Variants in DTD1 observed in about 807,000 individuals in gnomAD.
DTD1 encodes the protein D-tyrosyl-tRNA deacylase 1 homolog.
DTD1 carries 13 observed loss-of-function variants against 25.6 expected under a neutral mutation model. The observed-to-expected ratio is 0.51, with a 90% confidence interval of 0.33 to 0.81. DTD1 has a LOEUF of 0.81. Among genes scored for constraint, DTD1 ranks in the 30% least tolerant of loss-of-function variants. The pLI is 0.02. For missense variants in DTD1, 193 were observed against 266.4 expected, an observed-to-expected ratio of 0.72 and a Z score of 1.92; for synonymous variants, 110 against 103.6, an observed-to-expected ratio of 1.06 and a Z score of -0.37.
rs2122546539 is a variant in DTD1 at position 18,763,467 on chromosome 20, A to G, written c.*127A>G. On this transcript the variant is annotated 3_prime_UTR_variant, in exon 6 of 6. Coordinates refer to ENST00000377452, the MANE Select transcript of DTD1 (RefSeq NM_080820.6). ...CATGAAGAGGAAGACAGAAATAAGA[A>G]TTTGGGAACCTGAATAGCTCTGCAA... 1 of 152,830 alleles carries G rather than the reference A, an allele frequency of 6.5e-6. No homozygotes were observed. The highest frequency in any genetic ancestry group is 1.9e-4 in the East Asian group (1 of 5,194). 9.5% of individuals were successfully genotyped at this position (152,830 alleles called of 1,614,324 possible). A position where few individuals can be genotyped will look rare whatever the true frequency, so the allele number is the denominator to read the frequency against.
At chr20:18,628,992 T>G (rs2060771285) in intron 4 of DTD1, among the ~76,000 whole-genome samples, 1 of 129,774 alleles carries the variant, frequency 7.7e-6, no homozygotes, top group Non-Finnish European at 1.8e-5. Flanking sequence ...AGCCTGATTT[T>G]TTTTTTTTTT....
rs2061375193 is a variant in DTD1 at position 18,764,876 on chromosome 20, C to A, written c.*1536C>A. 6.6e-6 allele frequency: 1 copy of A among 152,242 alleles called. No individual in the cohort carries two copies. Among genetic ancestry groups the A allele is most frequent in the Non-Finnish European group, 1.5e-5 (1 of 68,048 alleles). The allele number at this position is 152,242 out of a possible 1,614,324, so 9.4% of individuals were successfully genotyped here. A position where few individuals can be genotyped will look rare whatever the true frequency, so the allele number is the denominator to read the frequency against. ...TTCACTTTAAAGCTACTTGAACCTACATGTCGATAAACTCAGTTGTAGGGT... is the reference window on the plus strand; with the variant it reads ...TTCACTTTAAAGCTACTTGAACCTAAATGTCGATAAACTCAGTTGTAGGGT... On this transcript the variant is annotated 3_prime_UTR_variant, in exon 6 of 6. Transcript: ENST00000377452.
intron 3 of DTD1, among the ~76,000 whole-genome samples, chr20:18,627,767 A>G (rs1723000367): frequency 6.6e-6 from 1 of 152,074 alleles, no homozygotes; most frequent in Non-Finnish European, 1.5e-5. Context: ...TGTGGGAGGA[A>G]CCTGGTAGGA....
intron 4 of DTD1, among the ~76,000 whole-genome samples, chr20:18,696,422 C>T (rs2061076867): frequency 6.6e-6 from 1 of 152,120 alleles, no homozygotes; most frequent in African/African-American, 2.4e-5. Flanking sequence ...GTCAGGTGCC[C>T]TCCTAGACTG....
intron 4 of DTD1, among the ~76,000 whole-genome samples, chr20:18,713,351 CT>C (rs1409829641): frequency 2.0e-5 from 3 of 152,232 alleles, no homozygotes; most frequent in African/African-American, 7.2e-5. Flanking sequence ...GAAATGTCCT[CT>C]TGTTAAAATC....
intron 4 of DTD1, among the ~76,000 whole-genome samples, chr20:18,738,262 G>A (rs545596622): frequency 2.4e-4 from 37 of 152,208 alleles, no homozygotes; most frequent in Non-Finnish European, 5.0e-4. Context: ...CCCCTCAGCC[G>A]CTAGCAGGCT....
intron 4 of DTD1, among the ~76,000 whole-genome samples, chr20:18,634,402 CATTT>C (rs1568653775): frequency 2.0e-5 from 3 of 152,166 alleles, no homozygotes; most frequent in African/African-American, 7.2e-5. Flanking sequence ...TTTACATTCT[CATTT>C]ATTTAGTGCC....
chr20:18,638,469 C>T (rs540424197), intron 4 of DTD1, among the ~76,000 whole-genome samples: 1 of 152,268 alleles, frequency 6.6e-6, no homozygotes, highest in South Asian at 2.1e-4. Context: ...CCCTTAGGTG[C>T]AAGCGCTAGG....
At chr20:18,701,516 T>C (rs1389833586) in intron 4 of DTD1, among the ~76,000 whole-genome samples, 5 of 152,216 alleles carry the variant, frequency 3.3e-5, no homozygotes, top group Admixed American at 6.5e-5. Context: ...TGCAATCTTG[T>C]GGGCAGGTAG....
chr20:18,687,587 T>G (rs771808732), intron 4 of DTD1, among the ~76,000 whole-genome samples: 2 of 152,132 alleles, frequency 1.3e-5, no homozygotes, highest in African/African-American at 2.4e-5. Context: ...GAGATAAGGT[T>G]TCTGTCACCC....
chr20:18,591,681 A>C (rs1228791729), intron 1 of DTD1, among the ~76,000 whole-genome samples: 1 of 152,214 alleles, frequency 6.6e-6, no homozygotes, highest in Non-Finnish European at 1.5e-5. Context: ...GATGATAGAT[A>C]TAACTTCATG....
At chr20:18,641,521 TTGTGTGTGTG>T (rs762686834) in intron 4 of DTD1, among the ~76,000 whole-genome samples, 1 of 149,590 alleles carries the variant, frequency 6.7e-6, no homozygotes, top group Admixed American at 6.7e-5. Flanking sequence ...GTATGTGTGT[TTGTGTGTGTG>T]TGTGTGTGTG....
chr20:18,742,100 A>G (rs1315817748), intron 4 of DTD1, among the ~76,000 whole-genome samples: 1 of 151,974 alleles, frequency 6.6e-6, no homozygotes, highest in Non-Finnish European at 1.5e-5. Flanking sequence ...GGACCAGACC[A>G]CATTACACGT....
chr20:18,704,143 G>A (rs148637244), intron 4 of DTD1, among the ~76,000 whole-genome samples: 1,961 of 152,240 alleles, frequency 0.013, 20 homozygotes, highest in Non-Finnish European at 0.022. Flanking sequence ...TGGGACTACA[G>A]GTGCCTGCCA....
chr20:18,714,008 T>C (rs2061170182), intron 4 of DTD1, among the ~76,000 whole-genome samples: 1 of 152,144 alleles, frequency 6.6e-6, no homozygotes, highest in African/African-American at 2.4e-5. Context: ...CTCCACCGTC[T>C]CCTGGAGATG....
intron 4 of DTD1, among the ~76,000 whole-genome samples, chr20:18,652,151 C>T (rs550634333): frequency 1.4e-4 from 21 of 152,294 alleles, no homozygotes; most frequent in Admixed American, 9.8e-4. Context: ...TGACATAGGG[C>T]GGGCCCAGGG....
intron 4 of DTD1, among the ~76,000 whole-genome samples, chr20:18,693,644 G>A (rs1459322726): frequency 4.9e-5 from 5 of 103,034 alleles, no homozygotes; most frequent in African/African-American, 2.4e-4. Flanking sequence ...GTGACAGAGC[G>A]AGACTCCCAT....
chr20:18,594,437 G>A (rs138114605), intron 2 of DTD1, among the ~76,000 whole-genome samples: 13 of 152,256 alleles, frequency 8.5e-5, no homozygotes, highest in African/African-American at 3.1e-4. Context: ...CTTAGCCAAG[G>A]CAGCACAGAT....
At chr20:18,717,524 C>T (rs2061185942) in intron 4 of DTD1, among the ~76,000 whole-genome samples, 1 of 152,088 alleles carries the variant, frequency 6.6e-6, no homozygotes, top group African/African-American at 2.4e-5. Context: ...TCGTGACATA[C>T]CTAACTTTTT....
Sources: allele counts gnomAD v4.1 joint callset (sites outside exome capture counted in the v4.1 genomes callset), GRCh38; gene constraint gnomAD v4.1.1; transcripts MANE v1.5; gene names NCBI Gene and HGNC (gene_info 2026-07-23, HGNC 2026-07-21).